KCNH5: variants seen among roughly 807,000 people sequenced by gnomAD.
The protein encoded by KCNH5 is potassium voltage-gated channel subfamily H member 5, also known as voltage-gated delayed rectifier potassium channel KCNH5.
Under a neutral mutation model 96.1 loss-of-function variants are expected in KCNH5, and 46 were observed. That is an observed-to-expected ratio of 0.48 (90% CI 0.38 to 0.61). The LOEUF is 0.61. KCNH5 is among the 20% of genes least tolerant of loss of function. The pLI is 0.00. For synonymous variants in KCNH5, 439 were observed against 449.8 expected (o/e 0.98, Z 0.30); for missense variants, 907 against 1,225.8 (o/e 0.74, Z 3.88).
At chr14:62,747,893 A>G (rs1885412156) in intron 10 of KCNH5, among the ~76,000 whole-genome samples, 1 of 152,202 alleles carries the variant, frequency 6.6e-6, no homozygotes, top group Non-Finnish European at 1.5e-5. Flanking sequence ...TAGGAGAAAA[A>G]AAGGCATTTC....
intron 10 of KCNH5, among the ~76,000 whole-genome samples, chr14:62,768,281 T>A (rs1298266791): frequency 1.3e-5 from 2 of 152,212 alleles, no homozygotes; most frequent in South Asian, 4.1e-4. Context: ...AAAATTTGCA[T>A]GTATCCTAAG....
chr14:62,812,667 G>A (rs1048581934), intron 8 of KCNH5, among the ~76,000 whole-genome samples: 1 of 152,034 alleles, frequency 6.6e-6, no homozygotes, highest in Non-Finnish European at 1.5e-5. Context: ...ACTAGAGAGA[G>A]TCAAAGAAAG....
chr14:62,735,839 T>C (rs987942081), intron 10 of KCNH5, among the ~76,000 whole-genome samples: 4 of 152,186 alleles, frequency 2.6e-5, no homozygotes, highest in African/African-American at 9.7e-5. Flanking sequence ...TGATGTCCTT[T>C]ATAAAAAGAG....
chr14:62,755,250 A>G (rs970474134), intron 10 of KCNH5, among the ~76,000 whole-genome samples: 1 of 152,190 alleles, frequency 6.6e-6, no homozygotes, highest in Non-Finnish European at 1.5e-5. Flanking sequence ...GAAAAAGGAT[A>G]AAGTATAACC....
At chr14:62,866,186 T>G (rs947077064) in intron 7 of KCNH5, among the ~76,000 whole-genome samples, 7 of 152,172 alleles carry the variant, frequency 4.6e-5, no homozygotes, top group African/African-American at 1.7e-4. Context: ...AAAAGTAACC[T>G]TAGTTAATTG....
At chr14:62,733,196 T>C (rs953666892) in intron 10 of KCNH5, among the ~76,000 whole-genome samples, 3 of 152,132 alleles carry the variant, frequency 2.0e-5, no homozygotes, top group East Asian at 1.9e-4. Context: ...TTATATAATA[T>C]AGTGATATGA....
chr14:62,865,408 G>C (rs1888115777), intron 7 of KCNH5, among the ~76,000 whole-genome samples: 1 of 151,838 alleles, frequency 6.6e-6, no homozygotes, highest in African/African-American at 2.4e-5. Flanking sequence ...ACTGAAGACA[G>C]GTAAACAAGC....
intron 2 of KCNH5, among the ~76,000 whole-genome samples, chr14:63,012,525 C>T (rs897759246): frequency 5.3e-5 from 8 of 152,102 alleles, no homozygotes; most frequent in Admixed American, 4.6e-4. Context: ...ACAAACTCTG[C>T]ATATATTCTA....
At chr14:62,769,538 C>A (rs1460729993) in intron 10 of KCNH5, among the ~76,000 whole-genome samples, 1 of 152,220 alleles carries the variant, frequency 6.6e-6, no homozygotes, top group Non-Finnish European at 1.5e-5. Context: ...ACTCTGAATG[C>A]ACTAGACAAG....
chr14:62,815,088 C>T (rs867046132), intron 8 of KCNH5, among the ~76,000 whole-genome samples: 1 of 151,950 alleles, frequency 6.6e-6, no homozygotes, highest in Non-Finnish European at 1.5e-5. Context: ...CATAATGAAC[C>T]GCTATTCAGC....
intron 3 of KCNH5, 92 bp downstream of exon 3, chr14:63,006,274 T>C: frequency 3.0e-6 from 2 of 676,896 alleles, no homozygotes; most frequent in Non-Finnish European, 2.5e-6. Context: ...ACAGAAGGTT[T>C]ACATGCTCTC....
At chr14:63,009,655 C>T (rs771408553) in intron 2 of KCNH5, among the ~76,000 whole-genome samples, 7 of 152,134 alleles carry the variant, frequency 4.6e-5, no homozygotes, top group Non-Finnish European at 7.4e-5. Flanking sequence ...CCTCCCAAGG[C>T]AAGTGTTCTG....
At chr14:62,865,330 AT>A (rs563038797) in intron 7 of KCNH5, among the ~76,000 whole-genome samples, 1,668 of 104,594 alleles carry the variant, frequency 0.016, 52 homozygotes, top group African/African-American at 0.053. Context: ...GTAAAATGCT[AT>A]TTAAAAAAAA....
intron 8 of KCNH5, among the ~76,000 whole-genome samples, chr14:62,844,893 G>C (rs547710168): frequency 6.6e-6 from 1 of 152,040 alleles, no homozygotes; most frequent in Non-Finnish European, 1.5e-5. Context: ...CTAAATATGT[G>C]GAAATGATAG....
intron 6 of KCNH5, among the ~76,000 whole-genome samples, chr14:62,973,117 A>G (rs1165016911): frequency 1.2e-5 from 1 of 85,902 alleles, no homozygotes; most frequent in Non-Finnish European, 2.7e-5. Flanking sequence ...AGCAAAGGGT[A>G]CAGTACATGG....
At chr14:62,833,036 T>C (rs898982082) in intron 8 of KCNH5, among the ~76,000 whole-genome samples, 3 of 152,246 alleles carry the variant, frequency 2.0e-5, no homozygotes, top group South Asian at 2.1e-4. Flanking sequence ...ATCTGATTTA[T>C]AGTTTATACA....
chr14:62,803,986 G>C (rs891804613), intron 8 of KCNH5, among the ~76,000 whole-genome samples: 2 of 152,016 alleles, frequency 1.3e-5, no homozygotes, highest in African/African-American at 4.8e-5. Flanking sequence ...TGCATTTTAA[G>C]CTTTAAAAAA....
At chr14:63,004,770 ATT>A (rs200869476) in intron 3 of KCNH5, among the ~76,000 whole-genome samples, 1 of 149,312 alleles carries the variant, frequency 6.7e-6, no homozygotes, top group Non-Finnish European at 1.5e-5. Context: ...ATGCCCAGCT[ATT>A]TTTTTTTTCA....
chr14:62,739,673 C>T (rs940743018), intron 10 of KCNH5, among the ~76,000 whole-genome samples: 1 of 152,124 alleles, frequency 6.6e-6, no homozygotes. Flanking sequence ...AATCATGGTA[C>T]TGTTGTACAG....
Sources: allele counts gnomAD v4.1 joint callset (sites outside exome capture counted in the v4.1 genomes callset), GRCh38; gene constraint gnomAD v4.1.1; transcripts MANE v1.5; gene names NCBI Gene and HGNC (gene_info 2026-07-23, HGNC 2026-07-21).